The following RGS12 variants were observed in gnomAD, a reference collection of about 807,000 sequenced individuals.
RGS12 encodes the protein regulator of G-protein signaling 12.
RGS12 carries 66 observed loss-of-function variants against 120.1 expected under a neutral mutation model. The observed-to-expected ratio is 0.55, with a 90% CI of 0.45 to 0.67. The LOEUF (loss-of-function observed/expected upper bound fraction) is 0.67. Among genes scored for constraint, RGS12 ranks in the 30% least tolerant of loss-of-function variants. The pLI is 0.00. For synonymous variants in RGS12, 827 were observed against 804.7 expected (o/e 1.03, Z -0.47); for missense variants, 1,859 against 1,957.7 (o/e 0.95, Z 0.95).
chr4:3,436,850 G>C (rs914461333), intron 17 of RGS12, among the ~76,000 whole-genome samples: 1 of 152,192 alleles, frequency 6.6e-6, no homozygotes, highest in Non-Finnish European at 1.5e-5. Flanking sequence ...GGACAGCACA[G>C]TCGGAGCCGG....
Position 3,428,372 on chromosome 4 carries a change from G to A in RGS12, c.3412-186G>A, listed in dbSNP as rs550735138. The stretch of plus-strand genomic sequence containing the variant: ...ACTGGCTTTCTTTTCTTCTGAGGTG[G>A]GAGTGGTTGTGCCTTAAATGCTATT... On this transcript the variant is annotated intron_variant, in intron 15 of 17. Coordinates refer to ENST00000336727, the MANE Select transcript of RGS12 (RefSeq NM_001394154.1). 11 of 758,632 alleles carry A rather than the reference G, an allele frequency of 1.4e-5. No homozygotes were observed. The East Asian group carries it at 2.9e-4, about 20-fold the overall frequency. 47.0% of individuals were successfully genotyped at this position (758,632 alleles called of 1,614,324 possible).
At chr4:3,376,506 G>A (rs1253426375) in intron 3 of RGS12, among the ~76,000 whole-genome samples, 1 of 152,118 alleles carries the variant, frequency 6.6e-6, no homozygotes, top group Non-Finnish European at 1.5e-5. Flanking sequence ...CCACCCTGGG[G>A]GGAGACACGT....
chr4:3,386,377 A>C, intron 3 of RGS12, 39 bp from the exon 4 acceptor site: 1 of 1,602,486 alleles, frequency 6.2e-7, no homozygotes, highest in Non-Finnish European at 8.6e-7. Context: ...TTTTGTCATG[A>C]GGCTTAATTA....
intron 2 of RGS12, among the ~76,000 whole-genome samples, chr4:3,328,733 T>G (rs150736374): frequency 1.3e-5 from 2 of 152,330 alleles, no homozygotes; most frequent in East Asian, 3.9e-4. Flanking sequence ...TTTCTCTTAC[T>G]CTAGGGTTCT....
chr4:3,402,205 A>G (rs1056131455), intron 4 of RGS12, among the ~76,000 whole-genome samples: 6 of 152,358 alleles, frequency 3.9e-5, no homozygotes, highest in Admixed American at 3.3e-4. Context: ...CATCTAACAT[A>G]TTATATTTAT....
intron 2 of RGS12, among the ~76,000 whole-genome samples, chr4:3,319,068 T>G (rs935640711): frequency 6.6e-6 from 1 of 151,546 alleles, no homozygotes; most frequent in Non-Finnish European, 1.5e-5. Flanking sequence ...TTGATGAATA[T>G]TTCTACTTGA....
At chr4:3,424,876 C>T (rs1560172991) in intron 13 of RGS12, among the ~76,000 whole-genome samples, 1 of 152,246 alleles carries the variant, frequency 6.6e-6, no homozygotes, top group Non-Finnish European at 1.5e-5. Flanking sequence ...CCAGCCCCTT[C>T]AGGAGCTTAG....
chr4:3,384,462 A>G (rs923163381), intron 3 of RGS12, among the ~76,000 whole-genome samples: 1 of 152,116 alleles, frequency 6.6e-6, no homozygotes, highest in African/African-American at 2.4e-5. Flanking sequence ...CCTTCCTGTG[A>G]TATTATTTAG....
chr4:3,423,055 G>A (rs560780170), intron 12 of RGS12, 77 bp downstream of exon 12: 27 of 1,245,324 alleles, frequency 2.2e-5, no homozygotes, highest in African/African-American at 1.3e-4. Flanking sequence ...TGGTCTCTGC[G>A]CTTAGCGGGC....
chr4:3,326,037 A>G (rs1203120463), intron 2 of RGS12, among the ~76,000 whole-genome samples: 2 of 152,218 alleles, frequency 1.3e-5, no homozygotes, highest in African/African-American at 2.4e-5. Flanking sequence ...AGTAAAGGCC[A>G]TCTATGACAA....
chr4:3,372,062 C>T lies in RGS12; in HGVS notation c.1999-14354C>T, dbSNP rs561760037. Among the ~76,000 whole-genome samples the T allele has an allele frequency of 2.6e-5, 4 of 152,300 alleles. No homozygotes were observed. In the South Asian group the frequency reaches 8.3e-4, roughly 32 times the overall value. On this transcript the variant is annotated intron_variant, in intron 3 of 17. Coordinates refer to ENST00000336727, the MANE Select transcript of RGS12 (RefSeq NM_001394154.1). This position sits in a 1 kb window ranked among gnomAD's most constrained non-coding sequence, Gnocchi z 4.3. ...AAGATGCCCGTGCCTGTCACCTAAT[C>T]GGGGCACCTCATCCTGTTTCATAAA...
At chr4:3,378,254 A>G (rs1229540463) in intron 3 of RGS12, 1 of 152,182 alleles carries the variant, frequency 6.6e-6, no homozygotes, top group Non-Finnish European at 1.5e-5. Flanking sequence ...ACCATACACA[A>G]ACATCATCTC....
intron 3 of RGS12, 113 bp downstream of exon 3, chr4:3,343,166 CTCT>C: frequency 1.4e-6 from 1 of 697,226 alleles, no homozygotes; most frequent in Non-Finnish European, 2.5e-6. Context: ...TCCCCTCCTC[CTCT>C]GTAGTGGTAA....
At chr4:3,338,994 C>T (rs1184932459) in intron 2 of RGS12, among the ~76,000 whole-genome samples, 1 of 152,212 alleles carries the variant, frequency 6.6e-6, no homozygotes. Context: ...ACATCTGTTA[C>T]TGGCCCTCGT....
At chr4:3,306,489 A>C (rs1308196562) in intron 1 of RGS12, among the ~76,000 whole-genome samples, 1 of 152,156 alleles carries the variant, frequency 6.6e-6, no homozygotes, top group Admixed American at 6.5e-5. Context: ...GTTTCATCTA[A>C]ATTTCTTTAG....
At chr4:3,383,948 A>G (rs1037603930) in intron 3 of RGS12, among the ~76,000 whole-genome samples, 6 of 152,206 alleles carry the variant, frequency 3.9e-5, no homozygotes, top group Non-Finnish European at 8.8e-5. Flanking sequence ...GCGTGTATAG[A>G]GGTTTTCTAG....
At chr4:3,425,617 G>C (rs1723531205) in intron 14 of RGS12, 57 bp downstream of exon 14, 3 of 1,385,182 alleles carry the variant, frequency 2.2e-6, no homozygotes, top group Non-Finnish European at 2.0e-6. Context: ...GTGCAGGGGA[G>C]GGGGCTATGG....
intron 4 of RGS12, among the ~76,000 whole-genome samples, chr4:3,388,231 AGG>A (rs1560137548): frequency 1.3e-5 from 2 of 149,964 alleles, no homozygotes; most frequent in Non-Finnish European, 3.0e-5. Flanking sequence ...GACGGGAGGG[AGG>A]AGGAGACGGG....
chr4:3,340,734 C>G (rs1712976119), intron 2 of RGS12, among the ~76,000 whole-genome samples: 1 of 147,706 alleles, frequency 6.8e-6, no homozygotes, highest in Non-Finnish European at 1.5e-5. Context: ...TGAGCTGAGC[C>G]CCATGGGAGC....
Sources: gnomAD v4.1 joint callset for allele counts (sites outside exome capture counted in the v4.1 genomes callset) on GRCh38, gnomAD v4.1.1 for gene constraint, Gnocchi (gnomAD v3.1) non-coding constraint, MANE v1.5 for transcripts, NCBI Gene and HGNC (gene_info 2026-07-23, HGNC 2026-07-21) for gene names.